The following MIDEAS variants were observed in gnomAD, a reference collection of about 807,000 sequenced individuals.
MIDEAS encodes mitotic deacetylase associated SANT domain protein, also known as mitotic deacetylase-associated SANT domain protein.
In MIDEAS, 26 loss-of-function variants were observed where a neutral mutation model predicts 102.7. That is an observed-to-expected ratio of 0.25 (90% CI 0.19 to 0.35). The LOEUF (loss-of-function observed/expected upper bound fraction) is 0.35. Ranked by LOEUF, MIDEAS falls within the 10% of genes least tolerant of loss-of-function variation. The pLI, the probability that MIDEAS is intolerant of heterozygous loss-of-function variation, is 1.00. For synonymous variants in MIDEAS, 585 were observed against 591.0 expected, an observed-to-expected ratio of 0.99 and a Z score of 0.15; for missense variants, 1,231 against 1,435.6, an observed-to-expected ratio of 0.86 and a Z score of 2.30.
chr14:73,721,282 G>A lies in MIDEAS; in HGVS notation c.2937+15C>T. The A allele has an allele frequency of 6.2e-7, 1 of 1,610,508 alleles. No homozygotes were observed. Among genetic ancestry groups the A allele is most frequent in the Non-Finnish European group, 8.5e-7 (1 of 1,179,580 alleles). ...CCTGCTTGCCCTGGGCTCAGCCCAT[G>A]GTGGTCACACTCACCGACTCATTGG... On this transcript the variant is annotated intron_variant, in intron 11 of 12. Coordinates refer to ENST00000423556, the MANE Select transcript of MIDEAS (RefSeq NM_001367710.1).
chr14:73,721,607 G>A (rs2052995363), intron 10 of MIDEAS, 98 bp from the exon 11 acceptor site: 2 of 1,095,044 alleles, frequency 1.8e-6, no homozygotes, highest in African/African-American at 3.1e-5. Flanking sequence ...GCCCCAGCTA[G>A]TCCTGCTCGC....
In MIDEAS at chr14:73,775,115, A is replaced by T. The variant is rs1181903024; in HGVS notation, c.-248+11987T>A. ...ATTCCAGATGGAAGAGACAACAATA[A>T]GCAAAGGCCAAGAGCATATAACAAG... On this transcript the variant is annotated intron_variant, in intron 1 of 11. Coordinates refer to the MIDEAS transcript ENST00000394071. Among the ~76,000 whole-genome samples, 4 of 152,046 alleles carry T rather than the reference A, an allele frequency of 2.6e-5. 1 individual carries two copies. The East Asian group carries it at 7.8e-4, about 30-fold the overall frequency.
Position 73,742,981 on chromosome 14 carries a change from C to T in MIDEAS, c.-247-2726G>A, listed in dbSNP as rs2053302253. On this transcript the variant is annotated intron_variant, in intron 1 of 12. Coordinates refer to ENST00000423556, the MANE Select transcript of MIDEAS (RefSeq NM_001367710.1). This position sits in a 1 kb window ranked among gnomAD's most constrained non-coding sequence, Gnocchi z 4.4. ...CCATGGCCTTATAAGGCAGGAGTTG[C>T]GATTTTAACCTCTATTTACAGGTTA... Among the ~76,000 whole-genome samples the T allele has an allele frequency of 6.6e-6, 1 of 152,068 alleles. No individual in the cohort carries two copies. Among genetic ancestry groups the T allele is most frequent in the Non-Finnish European group, 1.5e-5 (1 of 68,018 alleles).
At chr14:73,727,757 C>G in intron 4 of MIDEAS, 2 of 515,912 alleles carry the variant, frequency 3.9e-6, no homozygotes, top group South Asian at 5.1e-5. Context: ...CTATCACTAC[C>G]TGTCTCCTAC....
At position 73,725,118 on chromosome 14, in the gene MIDEAS, T is replaced by C; in HGVS notation, c.2574+154A>G. 1.5e-6 allele frequency: 1 copy of C among 657,166 alleles called. No individual in the cohort carries two copies. Among genetic ancestry groups the C allele is most frequent in the Non-Finnish European group, 2.8e-6 (1 of 362,694 alleles). 40.7% of individuals were successfully genotyped at this position (657,166 alleles called of 1,614,324 possible). ...AAAAGGGAAAAGAGACCTATCTTTC[T>C]CTTTCTTGTATTGTTTAGGAAATTC... is the stretch of plus-strand genomic sequence containing the variant. On this transcript the variant is annotated intron_variant, in intron 9 of 12. Transcript: ENST00000423556. This position sits in a 1 kb window ranked among gnomAD's most constrained non-coding sequence, Gnocchi z 4.1.
intron 1 of MIDEAS, among the ~76,000 whole-genome samples, chr14:73,772,435 G>A (rs571554708): frequency 2.0e-5 from 3 of 152,242 alleles, no homozygotes; most frequent in African/African-American, 7.2e-5. Flanking sequence ...GCAATTCTGT[G>A]TTTTACTTTT....
Position 73,716,779 on chromosome 14 carries a change from CCGT to C in MIDEAS, c.*2061_*2063del, listed in dbSNP as rs2052898626. 1 of 152,112 alleles carries C rather than the reference CCGT, an allele frequency of 6.6e-6. No homozygotes were observed. Among genetic ancestry groups the C allele is most frequent in the African/African-American group, 2.4e-5 (1 of 41,256 alleles). The allele number at this position is 152,112 out of a possible 1,614,324, so 9.4% of individuals were successfully genotyped here. A position where few individuals can be genotyped will look rare whatever the true frequency, so the allele number is the denominator to read the frequency against. ...ATATGAATGATGGAGGTTTCTGTTA[CCGT>C]ATGCCCATAAAGGGGCCTGAAACCA... is the stretch of plus-strand genomic sequence containing the variant. On this transcript the variant is annotated 3_prime_UTR_variant, in exon 13 of 13. Transcript: ENST00000423556.
chr14:73,757,950 G>A (rs1042936144), intron 1 of MIDEAS, among the ~76,000 whole-genome samples: 23 of 152,202 alleles, frequency 1.5e-4, no homozygotes, highest in African/African-American at 4.1e-4. Context: ...ACAGAGTCAC[G>A]GGAGTGGGGG....
intron 1 of MIDEAS, among the ~76,000 whole-genome samples, chr14:73,777,788 T>G (rs769261764): frequency 6.6e-6 from 1 of 151,922 alleles, no homozygotes; most frequent in Non-Finnish European, 1.5e-5. Flanking sequence ...CTGACATGCC[T>G]CTCTCTCCTG....
chr14:73,753,106 A>T (rs1414986511), intron 1 of MIDEAS, among the ~76,000 whole-genome samples: 1 of 152,186 alleles, frequency 6.6e-6, no homozygotes, highest in African/African-American at 2.4e-5. Context: ...AGCTGAAACC[A>T]AGCCTTTCCC....
chr14:73,717,084 T>A lies in MIDEAS; in HGVS notation c.*1759A>T, dbSNP rs1350037204. On this transcript the variant is annotated 3_prime_UTR_variant, in exon 13 of 13. Transcript: ENST00000423556. ...CCACAGCTGGGGTCCTGTAGAACCA[T>A]ACTAATGTACAAATGGATGCTGAAA... is the stretch of plus-strand genomic sequence containing the variant. The A allele has an allele frequency of 6.6e-6, 1 of 152,336 alleles. No homozygotes were observed. Among genetic ancestry groups the A allele is most frequent in the Non-Finnish European group, 1.5e-5 (1 of 68,034 alleles). 9.4% of individuals were successfully genotyped at this position (152,336 alleles called of 1,614,324 possible). A position where few individuals can be genotyped will look rare whatever the true frequency, so the allele number is the denominator to read the frequency against.
At chr14:73,721,550 G>T in intron 10 of MIDEAS, 41 bp from the exon 11 acceptor site, 1 of 1,577,780 alleles carries the variant, frequency 6.3e-7, no homozygotes, top group Non-Finnish European at 8.7e-7. Flanking sequence ...CTAGAGCTCT[G>T]TCTCACTGCT....
At chr14:73,721,745 C>A in intron 10 of MIDEAS, 1 of 492,866 alleles carries the variant, frequency 2.0e-6, no homozygotes. Context: ...AAGGAGGGTA[C>A]ATACCAGTCA....
At chr14:73,730,282 T>G in intron 3 of MIDEAS, 1 of 503,840 alleles carries the variant, frequency 2.0e-6, no homozygotes, top group Non-Finnish European at 3.7e-6. Flanking sequence ...ACTAACTGTA[T>G]AAAATTGTAA....
intron 1 of MIDEAS, among the ~76,000 whole-genome samples, chr14:73,771,955 A>T (rs2053645940): frequency 6.6e-6 from 1 of 152,248 alleles, no homozygotes; most frequent in African/African-American, 2.4e-5. Context: ...AGGGGCCTGA[A>T]GTAAGAGGCA....
At chr14:73,724,806 A>G (rs539147317) in intron 9 of MIDEAS, 1 of 167,280 alleles carries the variant, frequency 6.0e-6, no homozygotes, top group South Asian at 1.4e-4. Context: ...AATCTAGGGA[A>G]TGTGGGCTTG....
intron 1 of MIDEAS, among the ~76,000 whole-genome samples, chr14:73,767,743 AT>A (rs1197582108): frequency 6.6e-6 from 1 of 152,240 alleles, no homozygotes; most frequent in African/African-American, 2.4e-5. Flanking sequence ...AAGTAGGCCC[AT>A]GTAATGTGGA....
In MIDEAS at chr14:73,725,700, G is replaced by GACCAGAAC. The variant is rs2053051890; in HGVS notation, c.2485+325_2485+332dup. ...ACTCGGTCCATGTCCTTCTTAAAGT[G>GACCAGAAC]ACCAGAACAGGACATGCACTCCTGG... is the stretch of plus-strand genomic sequence containing the variant. On this transcript the variant is annotated intron_variant, in intron 8 of 12. Transcript: ENST00000423556. The surrounding 1 kb of genome is among the most constrained non-coding windows in gnomAD (Gnocchi z 4.1). Among the ~76,000 whole-genome samples, 1 of 152,334 alleles carries GACCAGAAC rather than the reference G, an allele frequency of 6.6e-6. No individual in the cohort carries two copies. Among genetic ancestry groups the GACCAGAAC allele is most frequent in the East Asian group, 1.9e-4 (1 of 5,186 alleles).
In MIDEAS at chr14:73,729,643, T is replaced by C; in HGVS notation, c.2092A>G (p.Thr698Ala). The C allele has an allele frequency of 6.2e-7, 1 of 1,604,676 alleles. No individual in the cohort carries two copies. The highest frequency in any genetic ancestry group is 8.5e-7 in the Non-Finnish European group (1 of 1,174,310). Residue 698 changes from threonine (T) to alanine (A), a missense_variant, in exon 4 of 13, where the codon ACT becomes GCT. By Grantham distance (58) the Thr-to-Ala change is moderately conservative. This residue lies in a region of MIDEAS where 391 missense variants were observed against 483.0 expected (regional missense o/e 0.81). Transcript: ENST00000423556. ...GTCGCGGAGGGAGGTCACTCACTAGTCCGGAGCAGCGTGCGATGGGCACTC... is the reference window on the plus strand; with the variant it reads ...GTCGCGGAGGGAGGTCACTCACTAGCCCGGAGCAGCGTGCGATGGGCACTC... ...PKSAHRTLLR[T>A]NSAEVTPPVL...
Sources: gnomAD v4.1 joint callset for allele counts (sites outside exome capture counted in the v4.1 genomes callset) on GRCh38, gnomAD v4.1.1 for gene constraint, gnomAD v4.1.1 regional missense constraint, Gnocchi (gnomAD v3.1) non-coding constraint, MANE v1.5 for transcripts, NCBI Gene and HGNC (gene_info 2026-07-23, HGNC 2026-07-21) for gene names.